PDE11A: variants seen among roughly 807,000 people sequenced by gnomAD.
PDE11A encodes the protein dual 3',5'-cyclic-AMP and -GMP phosphodiesterase 11A.
A neutral mutation model predicts 100.5 loss-of-function variants in PDE11A; 100 were observed. The ratio of observed to expected loss-of-function variants is 1.00; its 90% CI spans 0.85 to 1.18. The LOEUF (loss-of-function observed/expected upper bound fraction) is 1.18, where lower values mean the gene tolerates loss of function less well. Among genes scored for constraint, PDE11A ranks in the 50% most tolerant of loss-of-function variants. The pLI is 0.00. For synonymous variants in PDE11A, 381 were observed against 420.8 expected, an observed-to-expected ratio of 0.91 and a Z score of 1.16; for missense variants, 1,141 against 1,152.6, an observed-to-expected ratio of 0.99 and a Z score of 0.15.
chr2:177,902,535 A>C (rs1025142886), intron 3 of PDE11A, among the ~76,000 whole-genome samples: 1 of 152,198 alleles, frequency 6.6e-6, no homozygotes. Context: ...CCAGGAAATG[A>C]GTATCTGCAT....
intron 9 of PDE11A, among the ~76,000 whole-genome samples, chr2:177,803,305 C>CACTGCTCTGAATATAATTTTTTAT: frequency 6.9e-6 from 1 of 145,764 alleles, no homozygotes; most frequent in Non-Finnish European, 1.5e-5. Flanking sequence ...AAAAAAATCT[C>CACTGCTCTGAATATAATTTTTTAT]CTAACAACAA....
intron 2 of PDE11A, among the ~76,000 whole-genome samples, chr2:177,940,212 C>T (rs2085330081): frequency 6.6e-6 from 1 of 151,970 alleles, no homozygotes; most frequent in African/African-American, 2.4e-5. Context: ...ATGAAGCTTT[C>T]CATAATTTTT....
chr2:178,036,834 A>G (rs967153231), intron 1 of PDE11A, among the ~76,000 whole-genome samples: 1 of 152,210 alleles, frequency 6.6e-6, no homozygotes, highest in Non-Finnish European at 1.5e-5. Flanking sequence ...GAAAACAGAA[A>G]CTGGACCCCT....
chr2:177,732,499 A>T (rs1380928371), intron 10 of PDE11A, among the ~76,000 whole-genome samples: 2 of 152,180 alleles, frequency 1.3e-5, no homozygotes, highest in African/African-American at 4.8e-5. Context: ...GTTACCAAAG[A>T]AGCAGAAATG....
intron 19 of PDE11A, among the ~76,000 whole-genome samples, chr2:177,641,794 T>TATC (rs141360172): frequency 0.026 from 3,985 of 152,300 alleles, 151 homozygotes; most frequent in African/African-American, 0.09. Flanking sequence ...CTTAAAAACA[T>TATC]ATCTTTTTTG....
chr2:177,702,674 C>G (rs1428789164), intron 13 of PDE11A: 2 of 152,166 alleles, frequency 1.3e-5, no homozygotes, highest in African/African-American at 4.8e-5. Flanking sequence ...TTCAAGAATA[C>G]AAGTGACCTG....
chr2:178,058,292 T>G (rs1483207288), intron 1 of PDE11A, among the ~76,000 whole-genome samples: 3 of 152,230 alleles, frequency 2.0e-5, no homozygotes, highest in Non-Finnish European at 2.9e-5. Flanking sequence ...CCCAGCCAAA[T>G]CTCATTTCAA....
intron 17 of PDE11A, 33 bp from the exon 18 acceptor site, chr2:177,669,600 T>C: frequency 1.1e-6 from 1 of 926,872 alleles, no homozygotes; most frequent in South Asian, 1.3e-5. Context: ...TCTGTGATTA[T>C]GTGTAGTTTA....
intron 1 of PDE11A, among the ~76,000 whole-genome samples, chr2:178,058,060 G>C (rs780283188): frequency 6.6e-6 from 1 of 152,086 alleles, no homozygotes; most frequent in South Asian, 2.1e-4. Flanking sequence ...GTTTCACCAT[G>C]TTGGCCAGGC....
chr2:177,943,976 G>A (rs1254792615), intron 2 of PDE11A, among the ~76,000 whole-genome samples: 1 of 152,148 alleles, frequency 6.6e-6, no homozygotes, highest in Non-Finnish European at 1.5e-5. Flanking sequence ...CTTATTGATG[G>A]AGCCACTTTT....
intron 10 of PDE11A, among the ~76,000 whole-genome samples, chr2:177,734,354 G>A (rs776908614): frequency 1.6e-4 from 25 of 152,076 alleles, no homozygotes; most frequent in Non-Finnish European, 2.9e-4. Flanking sequence ...GGTGACAAAC[G>A]AGGAGATAAA....
intron 5 of PDE11A, among the ~76,000 whole-genome samples, chr2:177,842,267 T>C (rs540808912): frequency 2.7e-4 from 41 of 152,020 alleles, no homozygotes; most frequent in Admixed American, 1.2e-3. Context: ...AGTAAAACGG[T>C]TGGGTAGGGT....
At chr2:178,086,850 A>G (rs937799592) in intron 2 of PDE11A, among the ~76,000 whole-genome samples, 1 of 152,216 alleles carries the variant, frequency 6.6e-6, no homozygotes, top group Non-Finnish European at 1.5e-5. Flanking sequence ...GAGGACTAAC[A>G]CTAACTGTTT....
At chr2:177,718,835 C>T (rs764725751) in intron 12 of PDE11A, among the ~76,000 whole-genome samples, 3 of 152,172 alleles carry the variant, frequency 2.0e-5, no homozygotes, top group Admixed American at 1.3e-4. Flanking sequence ...TTAGCCCACA[C>T]TTCATCAAAC....
intron 7 of PDE11A, among the ~76,000 whole-genome samples, chr2:177,819,140 T>C (rs61190950): frequency 0.097 from 14,687 of 152,020 alleles, 739 homozygotes; most frequent in Middle Eastern, 0.14. Context: ...ATAAATTTAT[T>C]TAAAACTCTG....
At chr2:177,779,857 T>C (rs1007430995) in intron 9 of PDE11A, among the ~76,000 whole-genome samples, 4 of 152,254 alleles carry the variant, frequency 2.6e-5, no homozygotes, top group African/African-American at 9.6e-5. Flanking sequence ...GCATTTAGAA[T>C]GGTGAATCCT....
chr2:177,819,868 T>TCTCTCTCTCTCTCTCTCTC (rs60332687), intron 7 of PDE11A, among the ~76,000 whole-genome samples: 3 of 139,094 alleles, frequency 2.2e-5, no homozygotes, highest in African/African-American at 8.4e-5. Context: ...CTTTCTCTCT[T>TCTCTCTCTCTCTCTCTCTC]TCTCTCTCTC....
intron 1 of PDE11A, among the ~76,000 whole-genome samples, chr2:178,050,901 G>A (rs184449357): frequency 9.8e-5 from 15 of 152,298 alleles, no homozygotes; most frequent in East Asian, 9.6e-4. Context: ...TGAAAGTGAC[G>A]GGGAGAATGG....
intron 2 of PDE11A, among the ~76,000 whole-genome samples, chr2:177,919,128 C>T (rs1243940692): frequency 2.0e-5 from 3 of 148,806 alleles, no homozygotes; most frequent in Non-Finnish European, 4.5e-5. Flanking sequence ...GACAGAGTCT[C>T]GCTTTGTTGC....
Sources: allele counts gnomAD v4.1 joint callset (sites outside exome capture counted in the v4.1 genomes callset), GRCh38; gene constraint gnomAD v4.1.1; transcripts MANE v1.5; gene names NCBI Gene and HGNC (gene_info 2026-07-23, HGNC 2026-07-21).